HEBP2: variants seen among roughly 807,000 people sequenced by gnomAD.
HEBP2 encodes the protein heme-binding protein 2.
HEBP2 carries 27 observed loss-of-function variants against 23.1 expected under a neutral mutation model. That is an observed-to-expected ratio of 1.17 (90% CI 0.86 to 1.61). The LOEUF (loss-of-function observed/expected upper bound fraction) is 1.61. HEBP2 is among the 40% of genes most tolerant of loss of function. The probability of loss-of-function intolerance (pLI) is 0.00; values close to 1 mark genes in which losing one functional copy is unlikely to be tolerated. For missense variants in HEBP2, 245 were observed against 253.8 expected (o/e 0.97, Z 0.24); for synonymous variants, 99 against 95.1 (o/e 1.04, Z -0.24).
At chr6:138,409,531 T>C (rs748599358) in intron 3 of HEBP2, among the ~76,000 whole-genome samples, 2 of 152,234 alleles carry the variant, frequency 1.3e-5, no homozygotes, top group Non-Finnish European at 2.9e-5. Context: ...ACATTCCCAA[T>C]AGATACTGGG....
rs1040386447 is a variant in HEBP2, at chr6:138,417,074, T to TA, written c.*3997dup. On this transcript the variant is annotated 3_prime_UTR_variant, in exon 4 of 4. Coordinates refer to ENST00000607197, the MANE Select transcript of HEBP2 (RefSeq NM_014320.3). The stretch of plus-strand genomic sequence containing the variant: ...CGTCAGGGTCCAAGTTAACGTCTGA[T>TA]ACCCAGAAACCCAAAGAGTCATTAC... The TA allele has an allele frequency of 1.3e-5, 2 of 152,208 alleles. No individual in the cohort carries two copies. Among genetic ancestry groups the TA allele is most frequent in the African/African-American group, 4.8e-5 (2 of 41,454 alleles). The allele number at this position is 152,208 out of a possible 1,614,324, so 9.4% of individuals were successfully genotyped here. A position where few individuals can be genotyped will look rare whatever the true frequency, so the allele number is the denominator to read the frequency against.
chr6:138,413,131 ACAT>A lies in HEBP2; in HGVS notation c.*56_*58del. 16 of 1,373,512 alleles carry A rather than the reference ACAT, an allele frequency of 1.2e-5. No homozygotes were observed. The highest frequency in any genetic ancestry group is 1.7e-5 in the Non-Finnish European group (16 of 966,408). The allele number at this position is 1,373,512 out of a possible 1,614,324, so 85.1% of individuals were successfully genotyped here. ...GAGGCAAAACATCTGTTTATCATAG[ACAT>A]CAACATGACCTATAAGTAAAGTGCG... is the stretch of plus-strand genomic sequence containing the variant. On this transcript the variant is annotated 3_prime_UTR_variant, in exon 4 of 4. Coordinates refer to ENST00000607197, the MANE Select transcript of HEBP2 (RefSeq NM_014320.3).
In HEBP2 at chr6:138,414,239, C is replaced by G. The variant is rs1341723455; in HGVS notation, c.*1161C>G. The G allele has an allele frequency of 2.6e-5, 4 of 152,250 alleles. No individual in the cohort carries two copies. Among genetic ancestry groups the G allele is most frequent in the African/African-American group, 9.7e-5 (4 of 41,440 alleles). The allele number at this position is 152,250 out of a possible 1,614,324, so 9.4% of individuals were successfully genotyped here. A position where few individuals can be genotyped will look rare whatever the true frequency, so the allele number is the denominator to read the frequency against. ...ACACTGCTTGCTGAGCAAGAGAGCA[C>G]TGCTCTTGTAGGGCACGGTCTCTCG... On this transcript the variant is annotated 3_prime_UTR_variant, in exon 4 of 4. Transcript: ENST00000607197.
intron 1 of HEBP2, among the ~76,000 whole-genome samples, chr6:138,404,942 C>A (rs1274103359): frequency 6.6e-6 from 1 of 151,870 alleles, no homozygotes; most frequent in African/African-American, 2.4e-5. Context: ...GGGGCCGCTG[C>A]GGTCCCTAAT....
At position 138,414,396 on chromosome 6, in the gene HEBP2, A is replaced by AT. The variant is rs1276392004; in HGVS notation, c.*1321dup. 6.6e-6 allele frequency: 1 copy of AT among 152,204 alleles called. No individual in the cohort carries two copies. The highest frequency in any genetic ancestry group is 1.5e-5 in the Non-Finnish European group (1 of 68,048). The allele number at this position is 152,204 out of a possible 1,614,324, so 9.4% of individuals were successfully genotyped here. A position where few individuals can be genotyped will look rare whatever the true frequency, so the allele number is the denominator to read the frequency against. ...AGTGAGGCCGCTGCTGATTAGCATG[A>AT]TTTAGAAGCCTAGTTTGGAGGTGAG... On this transcript the variant is annotated 3_prime_UTR_variant, in exon 4 of 4. Coordinates refer to ENST00000607197, the MANE Select transcript of HEBP2 (RefSeq NM_014320.3).
rs987105370 is a variant in HEBP2, at chr6:138,421,694, A to G, written c.*8616A>G. 6.6e-6 allele frequency: 1 copy of G among 152,196 alleles called. No homozygotes were observed. The highest frequency in any genetic ancestry group is 1.9e-4 in the East Asian group (1 of 5,192). The allele number at this position is 152,196 out of a possible 1,614,324, so 9.4% of individuals were successfully genotyped here. A position where few individuals can be genotyped will look rare whatever the true frequency, so the allele number is the denominator to read the frequency against. Reference sequence around the variant, plus strand: ...ACATGGAAGGTGCCATGTTTCAGGGATGAGTCTCGATTCTTCTCTCCCTGT... The same window carrying G: ...ACATGGAAGGTGCCATGTTTCAGGGGTGAGTCTCGATTCTTCTCTCCCTGT... On this transcript the variant is annotated 3_prime_UTR_variant, in exon 4 of 4. Coordinates refer to ENST00000607197, the MANE Select transcript of HEBP2 (RefSeq NM_014320.3).
rs1774781050 is a variant in HEBP2, at chr6:138,413,135, C to G, written c.*57C>G. ...CAAAACATCTGTTTATCATAGACATCAACATGACCTATAAGTAAAGTGCGT... is the reference window on the plus strand; with the variant it reads ...CAAAACATCTGTTTATCATAGACATGAACATGACCTATAAGTAAAGTGCGT... On this transcript the variant is annotated 3_prime_UTR_variant, in exon 4 of 4. Coordinates refer to ENST00000607197, the MANE Select transcript of HEBP2 (RefSeq NM_014320.3). The G allele has an allele frequency of 7.6e-7, 1 of 1,321,216 alleles. No homozygotes were observed. The highest frequency in any genetic ancestry group is 1.5e-5 in the African/African-American group (1 of 68,520). 81.8% of individuals were successfully genotyped at this position (1,321,216 alleles called of 1,614,324 possible).
chr6:138,404,431 C>T lies in HEBP2; in HGVS notation c.-65C>T, dbSNP rs945771852. 3.7e-6 allele frequency: 4 copies of T among 1,085,164 alleles called. No individual in the cohort carries two copies. The highest frequency in any genetic ancestry group is 4.6e-6 in the Non-Finnish European group (4 of 860,838). 67.2% of individuals were successfully genotyped at this position (1,085,164 alleles called of 1,614,324 possible). A position where few individuals can be genotyped will look rare whatever the true frequency, so the allele number is the denominator to read the frequency against. On this transcript the variant is annotated 5_prime_UTR_variant, in exon 1 of 4. Transcript: ENST00000607197. ...CCTCGGCGGGGCGCGCACACGCAGG[C>T]GGGGCGGCCCGGGGTGCGGGGCCTC...
rs1252872114 is a variant in HEBP2, at chr6:138,406,111, G to T, written c.379G>T (p.Val127Phe). The change falls in exon 3 of 4, where the codon GTC becomes TTC. Residue 127 changes from valine (V) to phenylalanine (F), a missense_variant. Val to Phe is a conservative substitution (Grantham distance 50). Transcript: ENST00000607197. ...FDPPRPLESD[V>F]FIEDRAEMTV... is the part of the protein sequence containing the mutation. ...TCCACCCAGGCCTTTAGAGTCAGAT[G>T]TCTTCATTGAAGATAGAGCCGAAAT... is the stretch of plus-strand genomic sequence containing the variant. 6.2e-7 allele frequency: 1 copy of T among 1,614,030 alleles called. No individual in the cohort carries two copies. The highest frequency in any genetic ancestry group is 8.5e-7 in the Non-Finnish European group (1 of 1,180,024).
At chr6:138,412,537 T>TC (rs1774765010) in intron 3 of HEBP2, among the ~76,000 whole-genome samples, 1 of 151,908 alleles carries the variant, frequency 6.6e-6, no homozygotes, top group Non-Finnish European at 1.5e-5. Flanking sequence ...CACTGCAACC[T>TC]CCACCTCCCA....
intron 3 of HEBP2, among the ~76,000 whole-genome samples, chr6:138,409,609 CT>C (rs1774709607): frequency 6.6e-6 from 1 of 152,202 alleles, no homozygotes; most frequent in African/African-American, 2.4e-5. Context: ...GCCGTCTTCC[CT>C]GCCACCAGTC....
At chr6:138,409,741 A>G (rs1774712077) in intron 3 of HEBP2, among the ~76,000 whole-genome samples, 1 of 152,178 alleles carries the variant, frequency 6.6e-6, no homozygotes, top group African/African-American at 2.4e-5. Flanking sequence ...CACGGTGCAC[A>G]GTGCCACATA....
At chr6:138,404,055 TTCCCAGC>T (rs1246972953), upstream of HEBP2, among the ~76,000 whole-genome samples, 6 of 151,692 alleles carry the variant, frequency 4.0e-5, no homozygotes, top group African/African-American at 1.5e-4. Flanking sequence ...GCGCCCGCGG[TTCCCAGC>T]GCGGGCGGGG....
intron 2 of HEBP2, 119 bp downstream of exon 2, chr6:138,405,399 ACTTGT>A (rs1774627069): frequency 1.5e-6 from 2 of 1,302,778 alleles, no homozygotes; most frequent in African/African-American, 3.0e-5. Context: ...GTCATCAAAG[ACTTGT>A]CTTGTTTTCA....
rs1314808207 is a variant in HEBP2 at position 138,416,520 on chromosome 6, T to G, written c.*3442T>G. ...TCATAAAGGAGCTCAGCGGTGGCTCTCCTCGGCAGGCTGGGGCTGGCAGGA... is the reference window on the plus strand; with the variant it reads ...TCATAAAGGAGCTCAGCGGTGGCTCGCCTCGGCAGGCTGGGGCTGGCAGGA... On this transcript the variant is annotated 3_prime_UTR_variant, in exon 4 of 4. Coordinates refer to ENST00000607197, the MANE Select transcript of HEBP2 (RefSeq NM_014320.3). 1 of 152,438 alleles carries G rather than the reference T, an allele frequency of 6.6e-6. No individual in the cohort carries two copies. The highest frequency in any genetic ancestry group is 1.5e-5 in the Non-Finnish European group (1 of 68,182). The allele number at this position is 152,438 out of a possible 1,614,324, so 9.4% of individuals were successfully genotyped here.
rs1774802140 is a variant in HEBP2 at position 138,414,144 on chromosome 6, A to T, written c.*1066A>T. The T allele has an allele frequency of 6.6e-6, 1 of 152,416 alleles. No individual in the cohort carries two copies. Among genetic ancestry groups the T allele is most frequent in the South Asian group, 2.1e-4 (1 of 4,828 alleles). 9.4% of individuals were successfully genotyped at this position (152,416 alleles called of 1,614,324 possible). The stretch of plus-strand genomic sequence containing the variant: ...GAAAGCCAGGGGCAGAGGTGAGGGG[A>T]GCATCTTGGGCAGAGGTGACAGTGT... On this transcript the variant is annotated 3_prime_UTR_variant, in exon 4 of 4. Coordinates refer to ENST00000607197, the MANE Select transcript of HEBP2 (RefSeq NM_014320.3).
chr6:138,405,122 A>C (rs752830487), intron 1 of HEBP2, 23 bp from the exon 2 acceptor site: 13 of 1,602,980 alleles, frequency 8.1e-6, no homozygotes, highest in Non-Finnish European at 1.1e-5. Flanking sequence ...TTGCTTCTCG[A>C]AGTTTTCTCT....
At chr6:138,411,986 C>T in intron 3 of HEBP2, 1 of 402,912 alleles carries the variant, frequency 2.5e-6, no homozygotes, top group Non-Finnish European at 4.8e-6. Flanking sequence ...ATAGAGAGAG[C>T]TGCCAGAACG....
chr6:138,405,001 G>T (rs952374644), intron 1 of HEBP2, 144 bp from the exon 2 acceptor site: 6 of 804,844 alleles, frequency 7.5e-6, no homozygotes, highest in Non-Finnish European at 9.8e-6. Flanking sequence ...CCTAAGGAGC[G>T]GGGACCTCAG....
Sources: allele counts gnomAD v4.1 joint callset (sites outside exome capture counted in the v4.1 genomes callset), GRCh38; gene constraint gnomAD v4.1.1; transcripts MANE v1.5; gene names NCBI Gene and HGNC (gene_info 2026-07-23, HGNC 2026-07-21).